Variants in FHOD3 observed in about 807,000 individuals in gnomAD.
FHOD3 encodes the protein formin homology 2 domain containing 3, also known as FH1/FH2 domain-containing protein 3.
Under a neutral mutation model 173.0 loss-of-function variants are expected in FHOD3, and 90 were observed. The ratio of observed to expected loss-of-function variants is 0.52; its 90% confidence interval spans 0.44 to 0.62. FHOD3 has a LOEUF of 0.62. FHOD3 is among the 20% of genes least tolerant of loss of function. The probability of loss-of-function intolerance (pLI) is 0.00; values close to 1 mark genes in which losing one functional copy is unlikely to be tolerated. For synonymous variants in FHOD3, 828 were observed against 823.0 expected (o/e 1.01, Z -0.10); for missense variants, 1,945 against 2,034.7 (o/e 0.96, Z 0.85).
intron 17 of FHOD3, among the ~76,000 whole-genome samples, chr18:36,702,846 G>A (rs1471323322): frequency 2.7e-5 from 4 of 148,476 alleles, no homozygotes; most frequent in Admixed American, 2.0e-4. Flanking sequence ...GTGCGTACAC[G>A]CTTAATTCCA....
At chr18:36,461,701 A>G (rs1412052982) in intron 3 of FHOD3, among the ~76,000 whole-genome samples, 2 of 152,176 alleles carry the variant, frequency 1.3e-5, no homozygotes, top group Admixed American at 1.3e-4. Flanking sequence ...ATTTCTTTTC[A>G]AGTTCAAGTA....
intron 9 of FHOD3, among the ~76,000 whole-genome samples, chr18:36,621,802 T>C (rs545861941): frequency 3.2e-4 from 49 of 152,148 alleles, no homozygotes; most frequent in Admixed American, 8.5e-4. Flanking sequence ...GCATTAAAAA[T>C]GAAACCACCA....
chr18:36,589,908 G>C (rs1259469148), intron 6 of FHOD3, among the ~76,000 whole-genome samples: 1 of 152,158 alleles, frequency 6.6e-6, no homozygotes, highest in African/African-American at 2.4e-5. Flanking sequence ...AGGTGCTTGA[G>C]CCTGTAAGTT....
intron 7 of FHOD3, among the ~76,000 whole-genome samples, chr18:36,599,035 C>T (rs1229480278): frequency 1.3e-5 from 2 of 152,162 alleles, no homozygotes; most frequent in Non-Finnish European, 2.9e-5. Flanking sequence ...CAGGGCCTGG[C>T]AGGAAGAGAG....
At chr18:36,674,052 G>C (rs1401504697) in intron 14 of FHOD3, among the ~76,000 whole-genome samples, 1 of 152,150 alleles carries the variant, frequency 6.6e-6, no homozygotes, top group East Asian at 1.9e-4. Context: ...TAAAATTTCA[G>C]TCTGCCATTG....
intron 28 of FHOD3, among the ~76,000 whole-genome samples, chr18:36,773,927 A>G (rs1244323891): frequency 6.6e-6 from 1 of 152,222 alleles, no homozygotes; most frequent in East Asian, 1.9e-4. Flanking sequence ...GAGATAACCT[A>G]GGCAGAGGGC....
chr18:36,680,566 A>AT (rs1161338716), intron 14 of FHOD3, among the ~76,000 whole-genome samples: 1 of 152,024 alleles, frequency 6.6e-6, no homozygotes, highest in Non-Finnish European at 1.5e-5. Flanking sequence ...CGGTTACTTG[A>AT]TTTTCTCTTC....
chr18:36,713,152 A>C (rs2040263718), intron 18 of FHOD3, among the ~76,000 whole-genome samples: 1 of 152,256 alleles, frequency 6.6e-6, no homozygotes, highest in Non-Finnish European at 1.5e-5. Context: ...AAATAATGAC[A>C]GAAGGTTTGG....
At chr18:36,349,453 C>A (rs913974607) in intron 1 of FHOD3, among the ~76,000 whole-genome samples, 1 of 152,156 alleles carries the variant, frequency 6.6e-6, no homozygotes, top group African/African-American at 2.4e-5. Context: ...TAAGCACTTG[C>A]GCTTTCCATT....
intron 10 of FHOD3, among the ~76,000 whole-genome samples, chr18:36,648,129 A>G (rs1412852034): frequency 6.6e-6 from 1 of 151,952 alleles, no homozygotes; most frequent in African/African-American, 2.4e-5. Flanking sequence ...TTGAGAAAGT[A>G]GAGGATGCAC....
chr18:36,681,451 T>C lies in FHOD3; in HGVS notation c.1851T>C (p.Gly617=). ...EARLERSSPS[G]LLTSSFRQHQ... ...GTATCTCCAGGTCATCACCGAGTGG[T>C]CTTCTCACATCATCCTTCAGGCAGC... The change falls in exon 15 of 29, where the codon GGT becomes GGC. Residue 617 remains glycine (G), a synonymous_variant. Coordinates refer to ENST00000590592, the MANE Select transcript of FHOD3 (RefSeq NM_001281740.3). 6.2e-7 allele frequency: 1 copy of C among 1,613,796 alleles called. No individual in the cohort carries two copies. The highest frequency in any genetic ancestry group is 8.5e-7 in the Non-Finnish European group (1 of 1,179,834).
chr18:36,575,455 A>G (rs577322126), intron 5 of FHOD3, among the ~76,000 whole-genome samples: 73 of 152,388 alleles, frequency 4.8e-4, no homozygotes, highest in Non-Finnish European at 6.6e-4. Context: ...TAATGCATAA[A>G]AAAAGAATGT....
chr18:36,508,850 T>TCAGC (rs2055458628), intron 4 of FHOD3, among the ~76,000 whole-genome samples: 1 of 152,152 alleles, frequency 6.6e-6, no homozygotes, highest in Non-Finnish European at 1.5e-5. Context: ...TTACCATCCA[T>TCAGC]CAGCCTCTAA....
chr18:36,427,846 A>G lies in FHOD3; in HGVS notation c.337+55102A>G, dbSNP rs73947104. 2.4e-3 allele frequency among the ~76,000 whole-genome samples: 370 copies of G among 152,390 alleles called. 2 individuals carry two copies. The highest frequency in any genetic ancestry group is 8.3e-3 in the African/African-American group (344 of 41,592). On this transcript the variant is annotated intron_variant, in intron 3 of 28. Transcript: ENST00000590592. ...AATAAGTCATTGTAAATTAGGAACT[A>G]TTGCAGGCACTGTCACTGGATGTAT...
rs755754053 is a variant in FHOD3, at chr18:36,760,736, C to A, written c.4578C>A (p.Asp1526Glu). 1.1e-5 allele frequency: 18 copies of A among 1,612,662 alleles called. No homozygotes were observed. The East Asian group carries it at 4.0e-4, about 36-fold the overall frequency. ...VLKTSSPSVE[D>E]ATPALGVRTR... The stretch of plus-strand genomic sequence containing the variant: ...AAACCTCGTCCCCCTCCGTGGAGGA[C>A]GCCACCCCCGCGCTGGGCGTCCGCA... The change falls in exon 27 of 29, where the codon GAC (aspartate) becomes GAA (glutamate). Residue 1526 changes from aspartate (D) to glutamate (E), a missense_variant. This residue lies in a region of FHOD3 where 354 missense variants were observed against 359.9 expected (regional missense o/e 0.98). Coordinates refer to ENST00000590592, the MANE Select transcript of FHOD3 (RefSeq NM_001281740.3).
intron 1 of FHOD3, among the ~76,000 whole-genome samples, chr18:36,322,192 C>T (rs902469386): frequency 2.0e-5 from 3 of 151,970 alleles, no homozygotes; most frequent in African/African-American, 7.3e-5. Context: ...GAGCAGTTGC[C>T]AGGTCTTGAG....
intron 10 of FHOD3, 104 bp from the exon 11 acceptor site, chr18:36,649,212 T>G: frequency 1.5e-6 from 1 of 681,076 alleles, no homozygotes; most frequent in Non-Finnish European, 2.4e-6. Context: ...ATTTCGTTGT[T>G]GTTGTTGTTG....
At chr18:36,562,828 C>G (rs79192336) in intron 5 of FHOD3, among the ~76,000 whole-genome samples, 1 of 152,212 alleles carries the variant, frequency 6.6e-6, no homozygotes, top group Non-Finnish European at 1.5e-5. Flanking sequence ...CTGACCAACA[C>G]CAATGCCAGG....
At chr18:36,478,265 T>C (rs2053698302) in intron 3 of FHOD3, among the ~76,000 whole-genome samples, 1 of 152,228 alleles carries the variant, frequency 6.6e-6, no homozygotes, top group Non-Finnish European at 1.5e-5. Context: ...TTGATGAATG[T>C]AGCACTTTTA....
Sources: gnomAD v4.1 joint callset for allele counts (sites outside exome capture counted in the v4.1 genomes callset) on GRCh38, gnomAD v4.1.1 for gene constraint, gnomAD v4.1.1 regional missense constraint, MANE v1.5 for transcripts, NCBI Gene and HGNC (gene_info 2026-07-23, HGNC 2026-07-21) for gene names.